Variants in SLC24A2 observed in about 807,000 individuals in gnomAD.
SLC24A2 encodes the protein solute carrier family 24 member 2.
Under a neutral mutation model 62.0 loss-of-function variants are expected in SLC24A2, and 36 were observed. The ratio of observed to expected loss-of-function variants is 0.58; its 90% CI spans 0.44 to 0.77. SLC24A2 has a LOEUF of 0.77. SLC24A2 is among the 30% of genes least tolerant of loss of function. The pLI, the probability that SLC24A2 is intolerant of heterozygous loss-of-function variation, is 0.00. For missense variants in SLC24A2, 846 were observed against 817.9 expected, an observed-to-expected ratio of 1.03 and a Z score of -0.42; for synonymous variants, 358 against 294.0, an observed-to-expected ratio of 1.22 and a Z score of -2.23.
At chr9:19,650,525 T>A (rs1818769115) in intron 2 of SLC24A2, among the ~76,000 whole-genome samples, 1 of 152,118 alleles carries the variant, frequency 6.6e-6, no homozygotes, top group Non-Finnish European at 1.5e-5. Flanking sequence ...CCCATCAGCC[T>A]CCCATCCCAG....
At chr9:20,068,293 A>T in the SLC24A2 span, among the ~76,000 whole-genome samples, 2 of 151,844 alleles carry the variant, frequency 1.3e-5, no homozygotes, top group African/African-American at 4.8e-5. Flanking sequence ...TGAACTCCTG[A>T]CCTCGTAATC....
intron 2 of SLC24A2, among the ~76,000 whole-genome samples, chr9:19,752,377 G>T (rs1230336136): frequency 6.6e-6 from 1 of 151,634 alleles, no homozygotes; most frequent in Non-Finnish European, 1.5e-5. Context: ...ACACCAAGGG[G>T]TTATGGCAGA....
the SLC24A2 span, among the ~76,000 whole-genome samples, chr9:19,853,486 A>G: frequency 6.6e-6 from 1 of 152,222 alleles, no homozygotes; most frequent in Non-Finnish European, 1.5e-5. Context: ...TGTTCCTTCA[A>G]TACCTAATTT....
At chr9:19,641,399 A>C (rs1333705429) in intron 2 of SLC24A2, among the ~76,000 whole-genome samples, 2 of 152,224 alleles carry the variant, frequency 1.3e-5, no homozygotes, top group African/African-American at 4.8e-5. Flanking sequence ...AAACTTAACA[A>C]AACCAAAGTT....
chr9:20,138,640 T>C, the SLC24A2 span, among the ~76,000 whole-genome samples: 7 of 152,222 alleles, frequency 4.6e-5, no homozygotes, highest in South Asian at 1.2e-3. Flanking sequence ...TCCTCCTCTA[T>C]CCCAGGATCT....
intron 2 of SLC24A2, among the ~76,000 whole-genome samples, chr9:19,688,261 TTGTG>T (rs1335796746): frequency 1.3e-5 from 2 of 152,130 alleles, no homozygotes; most frequent in Non-Finnish European, 2.9e-5. Flanking sequence ...GGATTACTGA[TTGTG>T]TGGCTTTAGG....
the SLC24A2 span, among the ~76,000 whole-genome samples, chr9:20,251,304 A>G: frequency 3.6e-5 from 5 of 140,642 alleles, no homozygotes; most frequent in Non-Finnish European, 1.5e-5. Flanking sequence ...CCTTCTTAGT[A>G]TCCTTTATAG....
the SLC24A2 span, among the ~76,000 whole-genome samples, chr9:20,207,827 G>A: frequency 3.6e-5 from 5 of 138,782 alleles, no homozygotes; most frequent in East Asian, 7.7e-4. Flanking sequence ...ATGGTCCAGT[G>A]GGGGAGAGGG....
At chr9:20,036,481 C>T in the SLC24A2 span, among the ~76,000 whole-genome samples, 1 of 152,120 alleles carries the variant, frequency 6.6e-6, no homozygotes, top group Non-Finnish European at 1.5e-5. Context: ...TGATTATTAT[C>T]TTCCCATTCC....
At chr9:19,931,498 T>C in the SLC24A2 span, among the ~76,000 whole-genome samples, 1 of 152,250 alleles carries the variant, frequency 6.6e-6, no homozygotes, top group African/African-American at 2.4e-5. Flanking sequence ...GTTGTTCTAC[T>C]TAAAGTATAC....
the SLC24A2 span, among the ~76,000 whole-genome samples, chr9:19,802,417 G>T: frequency 6.6e-6 from 1 of 152,150 alleles, no homozygotes; most frequent in East Asian, 1.9e-4. Context: ...AAATACCCAG[G>T]ATGAAGGAAC....
intron 5 of SLC24A2, among the ~76,000 whole-genome samples, chr9:19,582,943 C>G (rs1475174195): frequency 6.6e-6 from 1 of 152,082 alleles, no homozygotes; most frequent in African/African-American, 2.4e-5. Flanking sequence ...AGCACCAAGT[C>G]ACATAGGAAT....
the SLC24A2 span, among the ~76,000 whole-genome samples, chr9:19,829,574 A>G: frequency 6.6e-6 from 1 of 151,816 alleles, no homozygotes; most frequent in South Asian, 2.1e-4. Context: ...CCCCTTAAAA[A>G]AAAACTATAA....
At chr9:19,644,725 T>C (rs985352047) in intron 2 of SLC24A2, among the ~76,000 whole-genome samples, 8 of 150,168 alleles carry the variant, frequency 5.3e-5, no homozygotes, top group Admixed American at 1.3e-4. Context: ...AACAACAAGT[T>C]CATGTTTTTT....
chr9:20,221,322 A>G, the SLC24A2 span, among the ~76,000 whole-genome samples: 1 of 152,174 alleles, frequency 6.6e-6, no homozygotes, highest in South Asian at 2.1e-4. Context: ...AGTGATGAGA[A>G]GTGGCCATTT....
intron 8 of SLC24A2, among the ~76,000 whole-genome samples, chr9:19,533,265 A>T (rs1181429505): frequency 6.6e-6 from 1 of 152,168 alleles, no homozygotes; most frequent in African/African-American, 2.4e-5. Context: ...GCCAGGCCCT[A>T]AGGAGGGGCA....
At chr9:19,542,897 C>CT (rs1423400373) in intron 8 of SLC24A2, among the ~76,000 whole-genome samples, 1 of 152,078 alleles carries the variant, frequency 6.6e-6, no homozygotes, top group African/African-American at 2.4e-5. Context: ...CTGAAATTTT[C>CT]TTTTTTTGTT....
At chr9:19,892,721 A>G in the SLC24A2 span, among the ~76,000 whole-genome samples, 1 of 152,232 alleles carries the variant, frequency 6.6e-6, no homozygotes, top group African/African-American at 2.4e-5. Context: ...ATGCCTAGAA[A>G]AATTTTTGGT....
chr9:20,121,607 A>C, the SLC24A2 span, among the ~76,000 whole-genome samples: 1 of 152,192 alleles, frequency 6.6e-6, no homozygotes, highest in Non-Finnish European at 1.5e-5. Flanking sequence ...TTTCTGAAGA[A>C]ACGTGTTATA....
Sources: gnomAD v4.1 joint callset for allele counts (sites outside exome capture counted in the v4.1 genomes callset) on GRCh38, gnomAD v4.1.1 for gene constraint, MANE v1.5 for transcripts, NCBI Gene and HGNC (gene_info 2026-07-23, HGNC 2026-07-21) for gene names.